TTN: variants seen among roughly 807,000 people sequenced by gnomAD.
The protein encoded by TTN is connectin.
In TTN, 1,525 loss-of-function variants were observed where a neutral mutation model predicts 3,223.0. The observed-to-expected ratio is 0.47, with a 90% CI of 0.45 to 0.49. The LOEUF (loss-of-function observed/expected upper bound fraction) is 0.49, where lower values mean the gene tolerates loss of function less well. Among genes scored for constraint, TTN ranks in the 20% least tolerant of loss-of-function variants. The probability of loss-of-function intolerance (pLI) is 0.00; values close to 1 mark genes in which losing one functional copy is unlikely to be tolerated. For synonymous variants in TTN, 14,094 were observed against 15,161.0 expected (o/e 0.93, Z 5.17); for missense variants, 40,786 against 43,424.0 (o/e 0.94, Z 5.40).
chr2:178,746,054 G>A (rs1233946187), intron 47 of TTN: 1 of 1,613,414 alleles, frequency 6.2e-7, no homozygotes, highest in South Asian at 1.1e-5. Context: ...CCTGTATGTT[G>A]CACTATCAGA....
rs764433516 is a variant in TTN at position 178,651,956 on chromosome 2, G to A, written c.39307C>T (p.Pro13103Ser). ...ESPPPEVFEEPEEVALEEPPA... is the reference protein window; with the variant it reads ...ESPPPEVFEESEEVALEEPPA... ...GGCTCTTCTAGGGCAACTTCCTCAG[G>A]CTCCTCGAACACTTTAAAGACATGA... Residue 13103 changes from proline (P) to serine (S), a missense_variant, in exon 205 of 363, where the codon CCT (proline) becomes TCT (serine). Coordinates refer to ENST00000589042, the MANE Select transcript of TTN (RefSeq NM_001267550.2). 6 of 1,610,332 alleles carry A rather than the reference G, an allele frequency of 3.7e-6. No individual in the cohort carries two copies.
At chr2:178,692,833 A>G (rs1454661905) in intron 119 of TTN, among the ~76,000 whole-genome samples, 1 of 152,130 alleles carries the variant, frequency 6.6e-6, no homozygotes, top group East Asian at 1.9e-4. Flanking sequence ...TGCCTGTGTC[A>G]GTTCCTCAGA....
In TTN at chr2:178,657,539, G is replaced by C. The variant is rs1434497623; in HGVS notation, c.37997C>G (p.Pro12666Arg). 2.5e-6 allele frequency: 4 copies of C among 1,580,760 alleles called. 1 individual carries two copies. The Admixed American group carries it at 5.5e-5, about 22-fold the overall frequency. ...PKEVVLEKKV[P>R]STPPKKPEVP... Reference sequence around the variant, plus strand: ...TTCAGGCTTTTTAGGAGGAGTCGAGGGCACTTTCTTTTCAAGGACAACTTC... The same window carrying C: ...TTCAGGCTTTTTAGGAGGAGTCGAGCGCACTTTCTTTTCAAGGACAACTTC... Residue 12666 changes from proline (P) to arginine (R), a missense_variant, in exon 189 of 363, where the codon CCC becomes CGC. By Grantham distance (103) the Pro-to-Arg change is moderately radical. Transcript: ENST00000589042.
At chr2:178,713,616 G>A (rs2077013344) in intron 92 of TTN, 2 of 694,142 alleles carry the variant, frequency 2.9e-6, no homozygotes, top group Non-Finnish European at 4.5e-6. Flanking sequence ...GAAGAATTAT[G>A]TGGTGAATTA....
In TTN at chr2:178,711,188, A is replaced by T; in HGVS notation, c.28048T>A (p.Ser9350Thr). 1 of 1,613,768 alleles carries T rather than the reference A, an allele frequency of 6.2e-7. No individual in the cohort carries two copies. The highest frequency in any genetic ancestry group is 8.5e-7 in the Non-Finnish European group (1 of 1,179,796). ...AGTGTGGCTGTATTGTCTAAAAATG[A>T]TGTTTGTACATTTGGGCTGTCTTTC... ...PLKDSPNVQT[S>T]FLDNTATLNI... The change falls in exon 97 of 363, where the codon TCA becomes ACA. Residue 9350 changes from serine (S) to threonine (T), a missense_variant. Transcript: ENST00000589042.
In TTN at chr2:178,561,511, GATTTT is replaced by G; in HGVS notation, c.84616_84620del (p.Lys28206ProfsTer4). On this transcript the variant is annotated frameshift_variant, in exon 326 of 363. Transcript: ENST00000589042. LOFTEE classifies it high-confidence loss of function. The stretch of plus-strand genomic sequence containing the variant: ...CTTTCATTTGAGTATCAGCAATGAG[GATTTT>G]ATTTGCTTTTGACCAAAGAATGCTG... 1 of 1,613,502 alleles carries G rather than the reference GATTTT, an allele frequency of 6.2e-7. No homozygotes were observed.
In TTN at chr2:178,526,952, C is replaced by T. The variant is rs946596489; in HGVS notation, c.*60G>A. The T allele has an allele frequency of 6.0e-5, 85 of 1,406,192 alleles. No individual in the cohort carries two copies. Among genetic ancestry groups the T allele is most frequent in the Middle Eastern group, 5.8e-4 (3 of 5,138 alleles). 87.1% of individuals were successfully genotyped at this position (1,406,192 alleles called of 1,614,324 possible). ...ATATTTACAGTTCAGAAAGATTAGT[C>T]CGTGTGAAACGTTTGCGAAAAGTTA... On this transcript the variant is annotated 3_prime_UTR_variant, in exon 363 of 363. Transcript: ENST00000589042.
In TTN at chr2:178,738,278, A is replaced by G. The variant is rs774594532; in HGVS notation, c.14175T>C (p.Ser4725=). The change falls in exon 49 of 363, where the codon AGT becomes AGC. Residue 4725 remains serine (S), a synonymous_variant. Coordinates refer to ENST00000589042, the MANE Select transcript of TTN (RefSeq NM_001267550.2). ...ACCACTGGAACCGGACATTGGGAGC[A>G]CTTTGGATCTCACAGGTGAATTTGG... is the stretch of plus-strand genomic sequence containing the variant. The part of the protein sequence containing the change: ...HLAKFTCEIQ[S]APNVRFQWFK... The G allele has an allele frequency of 8.1e-6, 13 of 1,613,590 alleles. No homozygotes were observed. Among genetic ancestry groups the G allele is most frequent in the Non-Finnish European group, 1.1e-5 (13 of 1,179,716 alleles).
At position 178,704,189 on chromosome 2, in the gene TTN, T is replaced by C. The variant is rs184153985; in HGVS notation, c.30181A>G (p.Lys10061Glu). 1.2e-6 allele frequency: 2 copies of C among 1,614,006 alleles called. No individual in the cohort carries two copies. The highest frequency in any genetic ancestry group is 4.5e-5 in the East Asian group (2 of 44,888). The part of the protein sequence containing the change: ...RAEDQGQYTC[K>E]YEDLETSAEL... ...GCTGAAGTTTCAAGGTCTTCATATT[T>C]GCAGGTGTACTGACCCTGGTCTTCT... Residue 10061 changes from lysine to glutamate, a missense_variant, in exon 106 of 363, where the codon AAA (lysine) becomes GAA (glutamate). Transcript: ENST00000589042.
At position 178,543,240 on chromosome 2, in the gene TTN, C is replaced by T. The variant is rs1559120718; in HGVS notation, c.96733G>A (p.Gly32245Ser). ...TGYVLEACKA[G>S]TERWMKVVTL... ...ACAACCTTCATCCATCTCTCTGTGC[C>T]AGCTTTGCAGGCCTCGAGAACATAT... The change falls in exon 347 of 363, where the codon GGC becomes AGC. Residue 32245 changes from glycine to serine, a missense_variant. Transcript: ENST00000589042. 1 of 1,613,744 alleles carries T rather than the reference C, an allele frequency of 6.2e-7. No individual in the cohort carries two copies.
At position 178,740,924 on chromosome 2, in the gene TTN, C is replaced by A. The variant is rs750393048; in HGVS notation, c.12309G>T (p.Leu4103Phe). Residue 4103 changes from leucine to phenylalanine, a missense_variant, in exon 48 of 363, where the codon TTG becomes TTT. Coordinates refer to ENST00000589042, the MANE Select transcript of TTN (RefSeq NM_001267550.2). ...SYEHIAKANE[L>F]SSQLPLGAQE... is the part of the protein sequence containing the mutation. The stretch of plus-strand genomic sequence containing the variant: ...GAGCTCCCAAAGGAAGCTGACTGCT[C>A]AATTCATTGGCTTTAGCAATATGCT... The A allele has an allele frequency of 1.2e-6, 2 of 1,613,910 alleles. No individual in the cohort carries two copies. Among genetic ancestry groups the A allele is most frequent in the Non-Finnish European group, 1.7e-6 (2 of 1,179,850 alleles).
At chr2:178,550,640 G>T in intron 336 of TTN, 1 of 416,768 alleles carries the variant, frequency 2.4e-6, no homozygotes, top group Non-Finnish European at 4.3e-6. Flanking sequence ...GATGTATGTT[G>T]TATTTTAATA....
rs777970390 is a variant in TTN, at chr2:178,568,687, C to G, written c.77445G>C (p.Leu25815Phe). Residue 25815 changes from leucine to phenylalanine, a missense_variant, in exon 326 of 363, where the codon TTG becomes TTC. Leu to Phe is a conservative substitution (Grantham distance 22). Transcript: ENST00000589042. ...SSYSVQVGQD[L>F]KIEVPISGRP... The stretch of plus-strand genomic sequence containing the variant: ...GTCCAGAAATTGGCACTTCTATTTT[C>G]AAATCTTGGCCAACCTGTACACTGT... 1.9e-6 allele frequency: 3 copies of G among 1,613,346 alleles called. No individual in the cohort carries two copies. Among genetic ancestry groups the G allele is most frequent in the Non-Finnish European group, 2.5e-6 (3 of 1,179,580 alleles).
At position 178,568,622 on chromosome 2, in the gene TTN, G is replaced by A. The variant is rs752618930; in HGVS notation, c.77510C>T (p.Pro25837Leu). 6.2e-7 allele frequency: 1 copy of A among 1,613,384 alleles called. No individual in the cohort carries two copies. The highest frequency in any genetic ancestry group is 8.5e-7 in the Non-Finnish European group (1 of 1,179,548). The change falls in exon 326 of 363, where the codon CCA becomes CTA. Residue 25837 changes from proline (P) to leucine (L), a missense_variant. Transcript: ENST00000589042. The part of the protein sequence containing the change: ...PTITWTKDGL[P>L]LKQTTRINVT... ...ATTGATTCTTGTGGTCTGCTTCAGT[G>A]GGAGACCATCTTTAGTCCAGGTAAT...
Position 178,575,597 on chromosome 2 carries a change from T to C in TTN, c.70535A>G (p.Glu23512Gly). 1 of 1,613,670 alleles carries C rather than the reference T, an allele frequency of 6.2e-7. No homozygotes were observed. The highest frequency in any genetic ancestry group is 8.5e-7 in the Non-Finnish European group (1 of 1,179,638). ...GCEYFFRVMA[E>G]NEYGIGEPTE... ...TGGCTCACCAATTCCATATTCATTC[T>C]CTGCCATCACTCTGAAGAAATATTC... The change falls in exon 326 of 363, where the codon GAG becomes GGG. Residue 23512 changes from glutamate (E) to glycine (G), a missense_variant. Glu to Gly is a moderately conservative substitution (Grantham distance 98). Coordinates refer to ENST00000589042, the MANE Select transcript of TTN (RefSeq NM_001267550.2). This position sits in a 1 kb window ranked among gnomAD's most constrained non-coding sequence, Gnocchi z 4.0.
chr2:178,727,350 T>A lies in TTN; in HGVS notation c.20015A>T (p.Lys6672Ile). Residue 6672 changes from lysine to isoleucine, a missense_variant, in exon 69 of 363, where the codon AAA becomes ATA. Physicochemically the swap from Lys to Ile is moderately radical, Grantham distance 102. Coordinates refer to ENST00000589042, the MANE Select transcript of TTN (RefSeq NM_001267550.2). ...LVTEPPKFVK[K>I]LEASKIVKAG... The stretch of plus-strand genomic sequence containing the variant: ...TTTCACAATTTTGGAGGCTTCTAAT[T>A]TCTTTACAAACTTTGGTGGTTCTAA... 1 of 1,601,352 alleles carries A rather than the reference T, an allele frequency of 6.2e-7. No individual in the cohort carries two copies.
Position 178,617,188 on chromosome 2 carries a change from G to T in TTN, c.47807C>A (p.Ala15936Glu). The change falls in exon 255 of 363, where the codon GCA becomes GAA. Residue 15936 changes from alanine to glutamate, a missense_variant. Transcript: ENST00000589042. ...ATCTGAAACACCAGCTTTATTTTCT[G>T]CAGATACTCTATATAAATATTTATT... ...KGNKYLYRVS[A>E]ENKAGVSDPS... 1 of 1,589,988 alleles carries T rather than the reference G, an allele frequency of 6.3e-7. No homozygotes were observed. Among genetic ancestry groups the T allele is most frequent in the Non-Finnish European group, 8.6e-7 (1 of 1,167,372 alleles).
chr2:178,562,282 A>G lies in TTN; in HGVS notation c.83850T>C (p.Leu27950=). The change falls in exon 326 of 363, where the codon CTT becomes CTC. Residue 27950 remains leucine, a synonymous_variant. Transcript: ENST00000589042. The part of the protein sequence containing the change: ...NEKGRSDPRQ[L]GVPVIARDIE... Reference sequence around the variant, plus strand: ...TATCCCTTGCAATTACTGGCACTCCAAGTTGTCTTGGATCACTTCTTCCCT... The same window carrying G: ...TATCCCTTGCAATTACTGGCACTCCGAGTTGTCTTGGATCACTTCTTCCCT... The G allele has an allele frequency of 6.2e-7, 1 of 1,613,402 alleles. No homozygotes were observed. The highest frequency in any genetic ancestry group is 8.5e-7 in the Non-Finnish European group (1 of 1,179,646).
Position 178,539,525 on chromosome 2 carries a change from T to TGG in TTN, c.98539_98540insCC (p.Asp32847AlafsTer12). On this transcript the variant is annotated frameshift_variant, in exon 352 of 363. Transcript: ENST00000589042. LOFTEE classifies it high-confidence loss of function. ...CAGAGATGTACCTCGGACTCTGGAATCAATGGTATACCAGGCGGCTTTAGG... is the reference window on the plus strand; with the variant it reads ...CAGAGATGTACCTCGGACTCTGGAATGGCAATGGTATACCAGGCGGCTTTAGG... The TGG allele has an allele frequency of 6.2e-7, 1 of 1,613,836 alleles. No individual in the cohort carries two copies. The highest frequency in any genetic ancestry group is 8.5e-7 in the Non-Finnish European group (1 of 1,179,770).
Sources: gnomAD v4.1 joint callset for allele counts (sites outside exome capture counted in the v4.1 genomes callset) on GRCh38, gnomAD v4.1.1 for gene constraint, Gnocchi (gnomAD v3.1) non-coding constraint, MANE v1.5 for transcripts, NCBI Gene and HGNC (gene_info 2026-07-23, HGNC 2026-07-21) for gene names.